The following DNAH10 variants were observed in gnomAD, a reference collection of about 807,000 sequenced individuals.
DNAH10 encodes the protein axonemal beta dynein heavy chain 10.
A neutral mutation model predicts 506.6 loss-of-function variants in DNAH10; 348 were observed. The ratio of observed to expected loss-of-function variants is 0.69; its 90% confidence interval spans 0.63 to 0.75. The LOEUF is 0.75. DNAH10 is among the 30% of genes least tolerant of loss of function. The pLI is 0.00. For missense variants in DNAH10, 5,179 were observed against 5,787.1 expected (o/e 0.89, Z 3.41); for synonymous variants, 2,059 against 2,198.6 (o/e 0.94, Z 1.78).
chr12:123,846,048 T>A lies in DNAH10; in HGVS notation c.5708T>A (p.Ile1903Asn). ...YWDREPDELN[I>N]RQCTGTFGYG... The stretch of plus-strand genomic sequence containing the variant: ...GACCGGGAGCCGGATGAGCTGAACA[T>A]CCGCCAGTGCACGGGAACCTTTGGC... Residue 1903 changes from isoleucine (I) to asparagine (N), a missense_variant, in exon 32 of 79, where the codon ATC (isoleucine) becomes AAC (asparagine). By Grantham distance (149) the Ile-to-Asn change is moderately radical. Around this residue, in one of 3 missense-constraint regions of DNAH10, gnomAD observed 4,844 missense variants for 5,430.5 expected, o/e 0.89. Coordinates refer to ENST00000673944, the MANE Select transcript of DNAH10 (RefSeq NM_001372106.1). This position sits in a 1 kb window ranked among gnomAD's most constrained non-coding sequence, Gnocchi z 4.5. 6.2e-7 allele frequency: 1 copy of A among 1,613,984 alleles called. No individual in the cohort carries two copies. The highest frequency in any genetic ancestry group is 1.1e-5 in the South Asian group (1 of 91,080).
intron 52 of DNAH10, among the ~76,000 whole-genome samples, chr12:123,887,870 G>A (rs1354298526): frequency 4.6e-5 from 7 of 151,506 alleles, no homozygotes; most frequent in African/African-American, 7.3e-5. Context: ...TCAGCCTCCC[G>A]AGTAGCTGGG....
chr12:123,868,375 G>T (rs76501873), intron 43 of DNAH10, among the ~76,000 whole-genome samples: 2,110 of 152,258 alleles, frequency 0.014, 26 homozygotes, highest in East Asian at 0.054. Flanking sequence ...CTCAGCTTAG[G>T]CACTTGCTTC....
At chr12:123,809,057 T>C (rs539106948) in intron 19 of DNAH10, 104 bp downstream of exon 19, 1 of 1,337,288 alleles carries the variant, frequency 7.5e-7, no homozygotes, top group East Asian at 2.3e-5. Context: ...CAAGGTGGAA[T>C]TCTTGACCTT....
rs2135934558 is a variant in DNAH10 at position 123,762,333 on chromosome 12, C to T, written c.-4C>T. 1.5e-6 allele frequency: 2 copies of T among 1,337,872 alleles called. No homozygotes were observed. Among genetic ancestry groups the T allele is most frequent in the East Asian group, 3.1e-5 (1 of 32,564 alleles). 82.9% of individuals were successfully genotyped at this position (1,337,872 alleles called of 1,614,324 possible). Reference sequence around the variant, plus strand: ...GCCCGGCTCCCTCTGCACTGCGCGGCGCCATGGACGACCTGCGGGTGCTGT... The same window carrying T: ...GCCCGGCTCCCTCTGCACTGCGCGGTGCCATGGACGACCTGCGGGTGCTGT... On this transcript the variant is annotated 5_prime_UTR_variant, in exon 1 of 79. Coordinates refer to ENST00000673944, the MANE Select transcript of DNAH10 (RefSeq NM_001372106.1). This position sits in a 1 kb window ranked among gnomAD's most constrained non-coding sequence, Gnocchi z 5.0.
At chr12:123,814,083 ATAGAG>A in intron 21 of DNAH10, 171 bp downstream of exon 21, 1 of 614,412 alleles carries the variant, frequency 1.6e-6, no homozygotes, top group Non-Finnish European at 2.6e-6. Context: ...TAATGAAAAT[ATAGAG>A]TATTTTTCAA....
intron 51 of DNAH10, among the ~76,000 whole-genome samples, chr12:123,883,337 C>T (rs1173114458): frequency 6.6e-6 from 1 of 152,224 alleles, no homozygotes. Context: ...TCTGAGGGTT[C>T]CTGTTTGTCC....
intron 43 of DNAH10, among the ~76,000 whole-genome samples, chr12:123,869,770 G>A (rs767738984): frequency 1.3e-5 from 2 of 152,084 alleles, no homozygotes; most frequent in Non-Finnish European, 2.9e-5. Flanking sequence ...TTCAGTCTCC[G>A]CCTCTCTACC....
In DNAH10 at chr12:123,870,463, G is replaced by T. The variant is rs775794178; in HGVS notation, c.7617G>T (p.Glu2539Asp). 1 of 1,613,668 alleles carries T rather than the reference G, an allele frequency of 6.2e-7. No homozygotes were observed. The highest frequency in any genetic ancestry group is 1.3e-5 in the African/African-American group (1 of 75,010). The change falls in exon 44 of 79, where the codon GAG becomes GAT. Residue 2539 changes from glutamate (E) to aspartate (D), a missense_variant. By Grantham distance (45) the Glu-to-Asp change is conservative. Coordinates refer to ENST00000673944, the MANE Select transcript of DNAH10 (RefSeq NM_001372106.1). Reference sequence around the variant, plus strand: ...TTCCAGAGTATATTCATGCCCCCGAGAGGAAATTCATCAACATCCTGGGTA... The same window carrying T: ...TTCCAGAGTATATTCATGCCCCCGATAGGAAATTCATCAACATCCTGGGTA... ...KLVPEYIHAP[E>D]RKFINILVHT... is the part of the protein sequence containing the mutation.
chr12:123,835,157 C>G (rs927153827), intron 27 of DNAH10, among the ~76,000 whole-genome samples: 2 of 152,196 alleles, frequency 1.3e-5, no homozygotes, highest in African/African-American at 4.8e-5. Flanking sequence ...GTTTTCCTAC[C>G]TGTGCTGGGC....
rs769804976 is a variant in DNAH10, at chr12:123,864,585, G to A, written c.6909-10G>A. ...AGGACCCATGGCTCTCCTTTCTTTGGTTGCTGCAGGTATATTTTATTTGAT... is the reference window on the plus strand; with the variant it reads ...AGGACCCATGGCTCTCCTTTCTTTGATTGCTGCAGGTATATTTTATTTGAT... On this transcript the variant is annotated splice_polypyrimidine_tract_variant and intron_variant, in intron 39 of 78. Coordinates refer to ENST00000673944, the MANE Select transcript of DNAH10 (RefSeq NM_001372106.1). The A allele has an allele frequency of 6.2e-7, 1 of 1,613,058 alleles. No homozygotes were observed. Among genetic ancestry groups the A allele is most frequent in the South Asian group, 1.1e-5 (1 of 90,886 alleles).
chr12:123,830,249 G>C (rs1960398847), intron 25 of DNAH10, among the ~76,000 whole-genome samples: 1 of 152,214 alleles, frequency 6.6e-6, no homozygotes, highest in South Asian at 2.1e-4. Flanking sequence ...CATTGGTTGA[G>C]AGACTATGAC....
chr12:123,812,190 G>A (rs184428256), intron 19 of DNAH10, among the ~76,000 whole-genome samples: 3 of 152,118 alleles, frequency 2.0e-5, no homozygotes, highest in East Asian at 1.9e-4. Flanking sequence ...AGTGGCTCAC[G>A]CCTGTAATCC....
chr12:123,880,173 G>A (rs964660094), intron 50 of DNAH10, among the ~76,000 whole-genome samples: 1 of 152,140 alleles, frequency 6.6e-6, no homozygotes, highest in East Asian at 1.9e-4. Flanking sequence ...AAGCCCAGCA[G>A]ATGGAAATCT....
chr12:123,841,006 G>A (rs1038174292), intron 29 of DNAH10, among the ~76,000 whole-genome samples: 2 of 152,120 alleles, frequency 1.3e-5, no homozygotes, highest in Non-Finnish European at 2.9e-5. Flanking sequence ...TCACCCTTCC[G>A]CCTCCTCCAC....
chr12:123,867,265 C>T (rs1312672662), intron 41 of DNAH10, among the ~76,000 whole-genome samples: 1 of 152,156 alleles, frequency 6.6e-6, no homozygotes, highest in Admixed American at 6.5e-5. Flanking sequence ...AAATGAAACA[C>T]TTCATGATGA....
rs1954972961 is a variant in DNAH10 at position 123,926,955 on chromosome 12, T to G, written c.12105+135T>G. On this transcript the variant is annotated intron_variant, in intron 69 of 78. Transcript: ENST00000673944. This position sits in a 1 kb window ranked among gnomAD's most constrained non-coding sequence, Gnocchi z 4.1. ...GATGCATTTCCGAGCTAAGAAGCAGTAATGAAACACTGGGAAGATGACAAT... is the reference window on the plus strand; with the variant it reads ...GATGCATTTCCGAGCTAAGAAGCAGGAATGAAACACTGGGAAGATGACAAT... 19 of 912,582 alleles carry G rather than the reference T, an allele frequency of 2.1e-5. No homozygotes were observed. The highest frequency in any genetic ancestry group is 3.1e-5 in the Non-Finnish European group (19 of 609,254). The allele number at this position is 912,582 out of a possible 1,614,324, so 56.5% of individuals were successfully genotyped here. A position where few individuals can be genotyped will look rare whatever the true frequency, so the allele number is the denominator to read the frequency against.
At position 123,928,391 on chromosome 12, in the gene DNAH10, C is replaced by T; in HGVS notation, c.12110C>T (p.Ala4037Val). ...CTTCCCTCTCCCCCGGCGCAGGTGG[C>T]CCTGCAGCTGCTGGAGACGGCGGTG... is the stretch of plus-strand genomic sequence containing the variant. ...LAMGQGQEKV[A>V]LQLLETAVAR... Residue 4037 changes from alanine to valine, a missense_variant, in exon 70 of 79, where the codon GCC (alanine) becomes GTC (valine). Physicochemically the swap from Ala to Val is moderately conservative, Grantham distance 64. Transcript: ENST00000673944. The surrounding 1 kb of genome is among the most constrained non-coding windows in gnomAD (Gnocchi z 4.9). 6.3e-7 allele frequency: 1 copy of T among 1,595,778 alleles called. No individual in the cohort carries two copies. Among genetic ancestry groups the T allele is most frequent in the East Asian group, 2.3e-5 (1 of 44,100 alleles).
At chr12:123,876,198 C>T (rs1166123036) in intron 47 of DNAH10, among the ~76,000 whole-genome samples, 1 of 152,114 alleles carries the variant, frequency 6.6e-6, no homozygotes, top group Admixed American at 6.6e-5. Context: ...GCACCTGGCC[C>T]GTTCATGCCC....
intron 15 of DNAH10, among the ~76,000 whole-genome samples, chr12:123,800,914 G>A (rs1958459151): frequency 6.6e-6 from 1 of 152,052 alleles, no homozygotes; most frequent in Non-Finnish European, 1.5e-5. Context: ...CTACTTGGGA[G>A]GCTGAGGCAG....
Sources: allele counts gnomAD v4.1 joint callset (sites outside exome capture counted in the v4.1 genomes callset), GRCh38; gene constraint gnomAD v4.1.1; regional missense constraint gnomAD v4.1.1; non-coding constraint Gnocchi (gnomAD v3.1); transcripts MANE v1.5; gene names NCBI Gene and HGNC (gene_info 2026-07-23, HGNC 2026-07-21).